ERCC6: variants seen among roughly 807,000 people sequenced by gnomAD.
ERCC6 encodes the protein ERCC excision repair 6, chromatin remodeling factor.
In ERCC6, 116 loss-of-function variants were observed where a neutral mutation model predicts 158.7. That is an observed-to-expected ratio of 0.73 (90% CI 0.63 to 0.85). The LOEUF (loss-of-function observed/expected upper bound fraction) is 0.85, where lower values mean the gene tolerates loss of function less well. Ranked by LOEUF, ERCC6 falls within the 40% of genes least tolerant of loss-of-function variation. ERCC6 has a pLI of 0.00. For missense variants in ERCC6, 1,698 were observed against 1,799.4 expected (o/e 0.94, Z 1.02); for synonymous variants, 678 against 659.3 (o/e 1.03, Z -0.43).
At chr10:49,504,729 A>G (rs1314231271) in intron 6 of ERCC6, 2 of 152,178 alleles carry the variant, frequency 1.3e-5, no homozygotes, top group African/African-American at 2.4e-5. Flanking sequence ...GAAGCAATAA[A>G]CAAAGCAACC....
chr10:49,483,278 C>A lies in ERCC6; in HGVS notation c.1992+68G>T, dbSNP rs1851012083. Reference sequence around the variant, plus strand: ...GATTCAATAAATGTGTTACTAAAAGCAGATAGTTTATTCTGAATTAATTAT... The same window carrying A: ...GATTCAATAAATGTGTTACTAAAAGAAGATAGTTTATTCTGAATTAATTAT... On this transcript the variant is annotated intron_variant, in intron 9 of 20. Coordinates refer to ENST00000355832, the MANE Select transcript of ERCC6 (RefSeq NM_000124.4). 15 of 1,475,768 alleles carry A rather than the reference C, an allele frequency of 1.0e-5. No homozygotes were observed. In the South Asian group the frequency reaches 1.5e-4, roughly 15 times the overall value. The allele number at this position is 1,475,768 out of a possible 1,614,324, so 91.4% of individuals were successfully genotyped here.
chr10:49,488,711 G>T (rs1413763888), intron 8 of ERCC6, among the ~76,000 whole-genome samples: 1 of 149,198 alleles, frequency 6.7e-6, no homozygotes. Flanking sequence ...TTTTGCTCTA[G>T]TGTTTCAGAA....
At chr10:49,501,570 T>A (rs1194494781) in intron 6 of ERCC6, 2 of 152,022 alleles carry the variant, frequency 1.3e-5, no homozygotes, top group East Asian at 1.9e-4. Context: ...TACAAAAAAA[T>A]TTTCGGAGAG....
intron 8 of ERCC6, chr10:49,488,176 C>T (rs755318826): frequency 4.6e-6 from 1 of 216,604 alleles, no homozygotes; most frequent in South Asian, 8.6e-5. Flanking sequence ...GTGCTGTTGT[C>T]ATTAGAAGAT....
At chr10:49,500,855 G>A (rs1851345022) in intron 6 of ERCC6, 159 bp from the exon 7 acceptor site, 4 of 738,846 alleles carry the variant, frequency 5.4e-6, no homozygotes, top group South Asian at 3.6e-5. Flanking sequence ...ATATTTATAA[G>A]GTCATACATT....
chr10:49,493,295 T>C, intron 7 of ERCC6, 43 bp from the exon 8 acceptor site: 2 of 1,612,862 alleles, frequency 1.2e-6, no homozygotes, highest in Non-Finnish European at 1.7e-6. Flanking sequence ...TGAAAGAGCA[T>C]ATACAGTCAT....
chr10:49,448,808 G>A, the ERCC6 span, among the ~76,000 whole-genome samples: 5 of 152,078 alleles, frequency 3.3e-5, no homozygotes, highest in Non-Finnish European at 5.9e-5. Context: ...CAGTGTATCC[G>A]TCCTTCATTG....
chr10:49,499,105 T>C (rs1023529786), intron 7 of ERCC6, among the ~76,000 whole-genome samples: 1 of 152,206 alleles, frequency 6.6e-6, no homozygotes, highest in African/African-American at 2.4e-5. Context: ...AACTTCAACT[T>C]TTCCTTTGGT....
chr10:49,460,074 T>C (rs967752398), intron 20 of ERCC6: 14 of 461,286 alleles, frequency 3.0e-5, no homozygotes, highest in Admixed American at 1.7e-4. Flanking sequence ...GAGCTGGCAC[T>C]TTCCCTCTAG....
At chr10:49,520,031 C>A (rs1044081125) in intron 5 of ERCC6, among the ~76,000 whole-genome samples, 1 of 152,228 alleles carries the variant, frequency 6.6e-6, no homozygotes, top group Admixed American at 6.5e-5. Context: ...GGCTCCCTGC[C>A]AGGCCCTCCC....
chr10:49,467,730 T>C lies in ERCC6; in HGVS notation c.3778+2452A>G, dbSNP rs562746072. Among the ~76,000 whole-genome samples the C allele has an allele frequency of 3.3e-5, 5 of 151,806 alleles. No individual in the cohort carries two copies. In the South Asian group the frequency reaches 1.0e-3, roughly 32 times the overall value. On this transcript the variant is annotated intron_variant, in intron 18 of 20. Coordinates refer to ENST00000355832, the MANE Select transcript of ERCC6 (RefSeq NM_000124.4). ...ACAGGTGTATGCTACCACACCCGGC[T>C]ATTTTTTTTTTTATTTTTTGTAGAG...
chr10:49,460,546 A>G, intron 19 of ERCC6, 95 bp from the exon 20 acceptor site: 1 of 863,692 alleles, frequency 1.2e-6, no homozygotes, highest in Non-Finnish European at 1.9e-6. Context: ...TCCTGGAAAC[A>G]TTTCCATCTG....
At chr10:49,534,133 CAAAAAAAAAAA>C (rs746772551) in intron 1 of ERCC6, among the ~76,000 whole-genome samples, 5 of 60,316 alleles carry the variant, frequency 8.3e-5, no homozygotes, top group African/African-American at 2.8e-4. Context: ...GACTCAATCT[CAAAAAAAAAAA>C]AAAAAAAAAA....
At chr10:49,516,818 A>C (rs1277810095) in intron 5 of ERCC6, 2 of 1,614,066 alleles carry the variant, frequency 1.2e-6, no homozygotes, top group Non-Finnish European at 8.5e-7. Flanking sequence ...TTGATGGTGG[A>C]GGTTGCTGCA....
chr10:49,470,609 T>C lies in ERCC6; in HGVS notation c.3351A>G (p.Pro1117=). The C allele has an allele frequency of 3.1e-6, 5 of 1,613,764 alleles. No homozygotes were observed. Among genetic ancestry groups the C allele is most frequent in the Non-Finnish European group, 4.2e-6 (5 of 1,179,718 alleles). Residue 1117 remains proline (P), a synonymous_variant, in exon 18 of 21, where the codon CCA becomes CCG. Coordinates refer to ENST00000355832, the MANE Select transcript of ERCC6 (RefSeq NM_000124.4). The part of the protein sequence containing the change: ...LGEETNAVSG[P]EELSVISGNG... Reference sequence around the variant, plus strand: ...TTCCACTAATCACTGACAACTCTTCTGGTCCAGATACTGCATTTGTCTCTT... The same window carrying C: ...TTCCACTAATCACTGACAACTCTTCCGGTCCAGATACTGCATTTGTCTCTT...
intron 5 of ERCC6, among the ~76,000 whole-genome samples, chr10:49,509,718 G>C (rs1027843161): frequency 6.6e-6 from 1 of 152,108 alleles, no homozygotes; most frequent in East Asian, 1.9e-4. Context: ...AATTAGAAAT[G>C]ACCTCAAAAT....
Position 49,493,171 on chromosome 10 carries a change from C to A in ERCC6, c.1767G>T (p.Trp589Cys), listed in dbSNP as rs1242443685. ...GTAGAATTGCCACTCTGAACGGAGGCCACCACGTGTGAAATTCCTTCACCC... is the reference window on the plus strand; with the variant it reads ...GTAGAATTGCCACTCTGAACGGAGGACACCACGTGTGAAATTCCTTCACCC... The part of the protein sequence containing the change: ...HQWVKEFHTW[W>C]PPFRVAILHE... The change falls in exon 8 of 21, where the codon TGG becomes TGT. Residue 589 changes from tryptophan (W) to cysteine (C), a missense_variant. Trp to Cys is a radical substitution (Grantham distance 215, BLOSUM62 -2). Coordinates refer to ENST00000355832, the MANE Select transcript of ERCC6 (RefSeq NM_000124.4). The A allele has an allele frequency of 1.9e-6, 3 of 1,614,080 alleles. No homozygotes were observed. The African/African-American group carries it at 4.0e-5, about 22-fold the overall frequency.
chr10:49,445,614 G>A, the ERCC6 span, among the ~76,000 whole-genome samples: 3 of 152,192 alleles, frequency 2.0e-5, no homozygotes, highest in African/African-American at 7.2e-5. Flanking sequence ...CAATGTAACA[G>A]ATAAGATTAC....
At chr10:49,511,316 A>C (rs1322676236) in intron 5 of ERCC6, among the ~76,000 whole-genome samples, 1 of 152,218 alleles carries the variant, frequency 6.6e-6, no homozygotes, top group African/African-American at 2.4e-5. Flanking sequence ...CATTACTAGG[A>C]AGGAAATAGT....
Sources: gnomAD v4.1 joint callset for allele counts (sites outside exome capture counted in the v4.1 genomes callset) on GRCh38, gnomAD v4.1.1 for gene constraint, MANE v1.5 for transcripts, NCBI Gene and HGNC (gene_info 2026-07-23, HGNC 2026-07-21) for gene names.